Variants in ARMH1 observed in about 807,000 individuals in gnomAD.
ARMH1 encodes the protein armadillo like helical domain containing 1, also known as armadillo-like helical domain containing protein 1.
In ARMH1, 34 loss-of-function variants were observed where a neutral mutation model predicts 50.2. The observed-to-expected ratio is 0.68, with a 90% CI of 0.51 to 0.90. The LOEUF (loss-of-function observed/expected upper bound fraction) is 0.90, where lower values mean the gene tolerates loss of function less well. ARMH1 is among the 40% of genes least tolerant of loss of function. The pLI is 0.00. For missense variants in ARMH1, 538 were observed against 553.9 expected, an observed-to-expected ratio of 0.97 and a Z score of 0.29; for synonymous variants, 221 against 224.2, an observed-to-expected ratio of 0.99 and a Z score of 0.13.
intron 6 of ARMH1, among the ~76,000 whole-genome samples, chr1:44,704,614 A>C (rs1324380992): frequency 6.0e-5 from 9 of 150,896 alleles, no homozygotes; most frequent in Admixed American, 5.3e-4. Flanking sequence ...TGGGCTCAAG[A>C]TATTCTCCCT....
At chr1:44,701,484 G>C (rs1646077499) in intron 5 of ARMH1, among the ~76,000 whole-genome samples, 1 of 151,704 alleles carries the variant, frequency 6.6e-6, no homozygotes, top group Non-Finnish European at 1.5e-5. Context: ...CTCCAGTGCT[G>C]GGGAAGGCTT....
intron 2 of ARMH1, among the ~76,000 whole-genome samples, chr1:44,695,964 C>T (rs1297347062): frequency 1.4e-5 from 2 of 147,200 alleles, no homozygotes; most frequent in Non-Finnish European, 3.0e-5. Context: ...AAAAAAAAGA[C>T]TAGCCCAGGA....
At chr1:44,710,182 C>T (rs1646538879) in intron 6 of ARMH1, among the ~76,000 whole-genome samples, 1 of 152,146 alleles carries the variant, frequency 6.6e-6, no homozygotes, top group African/African-American at 2.4e-5. Context: ...GAATGCGTGA[C>T]ACCTCCTCCC....
intron 1 of ARMH1, among the ~76,000 whole-genome samples, chr1:44,685,981 A>T (rs1645459599): frequency 6.6e-6 from 1 of 152,322 alleles, no homozygotes; most frequent in East Asian, 1.9e-4. Flanking sequence ...ACATGTGGTC[A>T]AAAACAATAT....
chr1:44,679,723 A>G (rs1243205756), intron 1 of ARMH1, among the ~76,000 whole-genome samples: 1 of 152,210 alleles, frequency 6.6e-6, no homozygotes, highest in African/African-American at 2.4e-5. Flanking sequence ...CACTCCGCAC[A>G]TGGCAGCTTT....
rs373177146 is a variant in ARMH1 at position 44,704,218 on chromosome 1, A to G, written c.724+45A>G. On this transcript the variant is annotated intron_variant, in intron 6 of 11. Coordinates refer to ENST00000535358, the MANE Select transcript of ARMH1 (RefSeq NM_001145636.2). ...CAGAAGGGGGCACCGAGAGCCAGAC[A>G]TATCAGCTCTCAAAAGCTTTCTCTT... 2.7e-3 allele frequency: 3,789 copies of G among 1,390,052 alleles called. 9 individuals carry two copies. Among genetic ancestry groups the G allele is most frequent in the Non-Finnish European group, 3.3e-3 (3,336 of 1,000,286 alleles). 86.1% of individuals were successfully genotyped at this position (1,390,052 alleles called of 1,614,324 possible).
chr1:44,685,143 G>C (rs1645426545), intron 1 of ARMH1, among the ~76,000 whole-genome samples: 1 of 152,080 alleles, frequency 6.6e-6, no homozygotes, highest in African/African-American at 2.4e-5. Flanking sequence ...CCCACCAAGG[G>C]CCTACTATAG....
chr1:44,724,460 G>T lies in ARMH1; in HGVS notation c.920+68G>T, dbSNP rs1647928227. 2.0e-6 allele frequency: 3 copies of T among 1,522,432 alleles called. No individual in the cohort carries two copies. Among genetic ancestry groups the T allele is most frequent in the Non-Finnish European group, 2.6e-6 (3 of 1,136,778 alleles). The allele number at this position is 1,522,432 out of a possible 1,614,324, so 94.3% of individuals were successfully genotyped here. On this transcript the variant is annotated intron_variant, in intron 8 of 11. Coordinates refer to ENST00000535358, the MANE Select transcript of ARMH1 (RefSeq NM_001145636.2). The surrounding 1 kb of genome is among the most constrained non-coding windows in gnomAD (Gnocchi z 6.4). ...TTGGCGCTGCCGGCGGGCCCCGGGAGCGCTCCGTGCGCCGGGTGGGCGGGG... is the reference window on the plus strand; with the variant it reads ...TTGGCGCTGCCGGCGGGCCCCGGGATCGCTCCGTGCGCCGGGTGGGCGGGG...
chr1:44,724,203 C>T lies in ARMH1; in HGVS notation c.806C>T (p.Ser269Leu), dbSNP rs759336424. 3 of 1,551,738 alleles carry T rather than the reference C, an allele frequency of 1.9e-6. No individual in the cohort carries two copies. The highest frequency in any genetic ancestry group is 2.4e-5 in the South Asian group (2 of 84,060). The stretch of plus-strand genomic sequence containing the variant: ...GGCCTCGTGGCGCTGCTGATACCGT[C>T]GGTCAAGGAGATCTCCAAACTGCAG... ...LKGLVALLIP[S>L]VKEISKLQAK... The change falls in exon 7 of 12, where the codon TCG becomes TTG. Residue 269 changes from serine to leucine, a missense_variant. Ser to Leu is a moderately radical substitution (Grantham distance 145). Coordinates refer to ENST00000535358, the MANE Select transcript of ARMH1 (RefSeq NM_001145636.2). The surrounding 1 kb of genome is among the most constrained non-coding windows in gnomAD (Gnocchi z 6.4).
At chr1:44,717,189 G>A (rs1042621321) in intron 6 of ARMH1, among the ~76,000 whole-genome samples, 35 of 152,138 alleles carry the variant, frequency 2.3e-4, no homozygotes, top group African/African-American at 8.2e-4. Context: ...GATCCTGAGC[G>A]AGCTACTCAA....
chr1:44,714,383 C>T (rs547218127), intron 6 of ARMH1, among the ~76,000 whole-genome samples: 50 of 150,892 alleles, frequency 3.3e-4, no homozygotes, highest in African/African-American at 1.2e-3. Flanking sequence ...GTCGGAAGTT[C>T]GAGACCACCC....
intron 6 of ARMH1, chr1:44,721,659 A>C (rs993739575): frequency 2.0e-5 from 3 of 152,026 alleles, no homozygotes; most frequent in Non-Finnish European, 4.4e-5. Flanking sequence ...AGCATGGGAG[A>C]TGGAGGTTGT....
intron 6 of ARMH1, among the ~76,000 whole-genome samples, chr1:44,720,409 G>A (rs1015614077): frequency 6.6e-6 from 1 of 152,124 alleles, no homozygotes; most frequent in Non-Finnish European, 1.5e-5. Flanking sequence ...CATGACCCAA[G>A]CCTCGCCTGT....
At chr1:44,700,014 C>T (rs1400181554) in intron 4 of ARMH1, among the ~76,000 whole-genome samples, 1 of 151,426 alleles carries the variant, frequency 6.6e-6, no homozygotes, top group Non-Finnish European at 1.5e-5. Flanking sequence ...ATTTTTAATA[C>T]AGACAGGGTT....
chr1:44,694,858 A>G (rs932213581), intron 2 of ARMH1, among the ~76,000 whole-genome samples: 2 of 152,140 alleles, frequency 1.3e-5, no homozygotes, highest in Non-Finnish European at 2.9e-5. Flanking sequence ...TATATACTGT[A>G]CAAATATTAT....
intron 2 of ARMH1, among the ~76,000 whole-genome samples, chr1:44,693,403 G>C (rs977941272): frequency 3.3e-5 from 5 of 152,158 alleles, no homozygotes. Context: ...GTCAGATCCT[G>C]TCTATTTAAC....
intron 2 of ARMH1, among the ~76,000 whole-genome samples, chr1:44,696,878 G>A: frequency 6.6e-6 from 1 of 152,146 alleles, no homozygotes; most frequent in East Asian, 1.9e-4. Context: ...TGGCTGAACT[G>A]CCACAGAGGA....
intron 6 of ARMH1, among the ~76,000 whole-genome samples, chr1:44,717,684 T>A (rs965077082): frequency 1.3e-5 from 2 of 152,252 alleles, no homozygotes; most frequent in South Asian, 2.1e-4. Context: ...ACAGACAAGA[T>A]GCTCAATGAG....
intron 2 of ARMH1, among the ~76,000 whole-genome samples, chr1:44,692,639 A>T (rs1319597218): frequency 1.3e-5 from 2 of 152,162 alleles, no homozygotes; most frequent in Non-Finnish European, 2.9e-5. Flanking sequence ...CATTTAAGTT[A>T]TTGATAAAAT....
Sources: gnomAD v4.1 joint callset for allele counts (sites outside exome capture counted in the v4.1 genomes callset) on GRCh38, gnomAD v4.1.1 for gene constraint, Gnocchi (gnomAD v3.1) non-coding constraint, MANE v1.5 for transcripts, NCBI Gene and HGNC (gene_info 2026-07-23, HGNC 2026-07-21) for gene names.